The following KCNK9 variants were observed in gnomAD, a reference collection of about 807,000 sequenced individuals.
KCNK9 encodes the protein potassium two pore domain channel subfamily K member 9.
KCNK9 carries 1 observed loss-of-function variant against 10.8 expected under a neutral mutation model. The ratio of observed to expected loss-of-function variants is 0.09; its 90% CI spans 0.03 to 0.44. The LOEUF is 0.44. Among genes scored for constraint, KCNK9 ranks in the 20% least tolerant of loss-of-function variants. KCNK9 has a pLI of 0.97. For synonymous variants in KCNK9, 231 were observed against 222.7 expected (o/e 1.04, Z -0.33); for missense variants, 303 against 515.0 (o/e 0.59, Z 3.98).
At chr8:139,655,577 GAAT>G (rs1816001740) in intron 1 of KCNK9, among the ~76,000 whole-genome samples, 1 of 152,182 alleles carries the variant, frequency 6.6e-6, no homozygotes, top group Admixed American at 6.5e-5. Context: ...ACCCAGCTCT[GAAT>G]GGGGGACAAG....
chr8:139,674,910 C>G (rs998310846), intron 1 of KCNK9, among the ~76,000 whole-genome samples: 1 of 152,120 alleles, frequency 6.6e-6, no homozygotes, highest in African/African-American at 2.4e-5. Flanking sequence ...CTTCCTCCCC[C>G]CGAAGCCTTC....
chr8:139,698,700 A>G (rs1309312589), intron 1 of KCNK9, among the ~76,000 whole-genome samples: 1 of 152,252 alleles, frequency 6.6e-6, no homozygotes, highest in Admixed American at 6.5e-5. Flanking sequence ...GCCTTGGAGC[A>G]GCACAGACCT....
intron 1 of KCNK9, among the ~76,000 whole-genome samples, chr8:139,685,141 T>C (rs564085103): frequency 6.6e-6 from 1 of 152,284 alleles, no homozygotes; most frequent in Admixed American, 6.5e-5. Flanking sequence ...CAAATGTTCA[T>C]GGAACTCAAC....
chr8:139,604,070 A>C (rs1431631404), intron 2 of KCNK9, among the ~76,000 whole-genome samples: 2 of 152,212 alleles, frequency 1.3e-5, no homozygotes, highest in Non-Finnish European at 2.9e-5. Flanking sequence ...GGGCCAGTGC[A>C]GGCCGTGAGA....
chr8:139,650,059 G>A (rs1361934588), intron 1 of KCNK9, among the ~76,000 whole-genome samples: 1 of 152,148 alleles, frequency 6.6e-6, no homozygotes, highest in Admixed American at 6.5e-5. Flanking sequence ...TGTGGCAAGA[G>A]AGCCTCCCAG....
chr8:139,651,854 G>A (rs1815875453), intron 1 of KCNK9, among the ~76,000 whole-genome samples: 2 of 152,236 alleles, frequency 1.3e-5, no homozygotes, highest in South Asian at 4.2e-4. Flanking sequence ...ACCTGCTATT[G>A]CTCTAAGGGA....
intron 1 of KCNK9, among the ~76,000 whole-genome samples, chr8:139,667,282 G>C (rs571887137): frequency 3.3e-5 from 5 of 152,206 alleles, no homozygotes; most frequent in South Asian, 4.1e-4. Flanking sequence ...GTCCCTAAAG[G>C]CCTCTTCCAT....
At chr8:139,682,284 G>A (rs559604526) in intron 1 of KCNK9, among the ~76,000 whole-genome samples, 7 of 152,304 alleles carry the variant, frequency 4.6e-5, no homozygotes, top group Non-Finnish European at 1.0e-4. Context: ...ATTCTCGGAG[G>A]GCCTGCTTAG....
At chr8:139,700,492 ACACACACACACACACACGCGCGCGCG>A (rs1817180452) in intron 1 of KCNK9, among the ~76,000 whole-genome samples, 1 of 137,246 alleles carries the variant, frequency 7.3e-6, no homozygotes. Context: ...ACATACACAC[ACACACACACACACACACGCGCGCGCG>A]CGCACACACA....
rs905055872 is a variant in KCNK9 at position 139,659,281 on chromosome 8, T to C, written c.284-40182A>G. ...CCCCCTGAGACCTGACCCAAGGCTT[T>C]CCCTATGCACTACAAGAGCTGCCTT... On this transcript the variant is annotated intron_variant, in intron 1 of 1. Transcript: ENST00000520439. Among the ~76,000 whole-genome samples, 3 of 152,318 alleles carry C rather than the reference T, an allele frequency of 2.0e-5. No homozygotes were observed. In the East Asian group the frequency reaches 5.8e-4, roughly 29 times the overall value.
In KCNK9 at chr8:139,623,066, AT is replaced by A. The variant is rs544559986; in HGVS notation, c.284-3968del. 1.2e-3 allele frequency among the ~76,000 whole-genome samples: 183 copies of A among 152,368 alleles called. 3 individuals are homozygous for A. Among genetic ancestry groups the A allele is most frequent in the African/African-American group, 4.2e-3 (173 of 41,576 alleles). ...GGCTGTGTATGTGCCACACCTATGT[AT>A]ATGCTGCAGACTGCACGTTTTAGTA... On this transcript the variant is annotated intron_variant, in intron 1 of 1. Transcript: ENST00000520439.
intron 1 of KCNK9, among the ~76,000 whole-genome samples, chr8:139,645,815 C>A (rs536250701): frequency 6.6e-6 from 1 of 152,244 alleles, no homozygotes; most frequent in African/African-American, 2.4e-5. Flanking sequence ...GCCCCTCCTC[C>A]TGCCTGCTCT....
At chr8:139,675,808 G>A (rs938819767) in intron 1 of KCNK9, among the ~76,000 whole-genome samples, 2 of 151,594 alleles carry the variant, frequency 1.3e-5, no homozygotes, top group African/African-American at 4.9e-5. Flanking sequence ...TCTCCTAGAA[G>A]CCTCCTGTGA....
intron 1 of KCNK9, among the ~76,000 whole-genome samples, chr8:139,665,918 A>G (rs550719466): frequency 6.6e-6 from 1 of 152,342 alleles, no homozygotes; most frequent in East Asian, 1.9e-4. Flanking sequence ...GAGCCTGAGA[A>G]GCTCAGCCCT....
At chr8:139,658,579 CG>C (rs1369641067) in intron 1 of KCNK9, among the ~76,000 whole-genome samples, 1 of 152,216 alleles carries the variant, frequency 6.6e-6, no homozygotes, top group Non-Finnish European at 1.5e-5. Context: ...AAAGATACCA[CG>C]GAGGGGAGAG....
At chr8:139,673,214 G>A (rs1816475904) in intron 1 of KCNK9, among the ~76,000 whole-genome samples, 1 of 152,150 alleles carries the variant, frequency 6.6e-6, no homozygotes, top group Non-Finnish European at 1.5e-5. Flanking sequence ...TGGAGGGCCG[G>A]GGGTGATGGC....
chr8:139,674,255 C>G (rs1816499484), intron 1 of KCNK9, among the ~76,000 whole-genome samples: 1 of 152,206 alleles, frequency 6.6e-6, no homozygotes, highest in Non-Finnish European at 1.5e-5. Flanking sequence ...AGGCGATGAC[C>G]TCTCCTCTTT....
intron 1 of KCNK9, among the ~76,000 whole-genome samples, chr8:139,626,166 G>A (rs1029801513): frequency 1.3e-4 from 20 of 152,234 alleles, no homozygotes; most frequent in South Asian, 4.2e-4. Context: ...GACCAGCCTC[G>A]CTCCTGCACT....
chr8:139,691,649 GT>G, intron 1 of KCNK9, among the ~76,000 whole-genome samples: 1 of 152,072 alleles, frequency 6.6e-6, no homozygotes, highest in Non-Finnish European at 1.5e-5. Flanking sequence ...TAGAGGCATG[GT>G]TCAATAATTA....
Sources: gnomAD v4.1 joint callset for allele counts (sites outside exome capture counted in the v4.1 genomes callset) on GRCh38, gnomAD v4.1.1 for gene constraint, MANE v1.5 for transcripts, NCBI Gene and HGNC (gene_info 2026-07-23, HGNC 2026-07-21) for gene names.